Variants in NCKAP5 observed in about 807,000 individuals in gnomAD.
NCKAP5 encodes nck-associated protein 5.
NCKAP5 carries 92 observed loss-of-function variants against 167.0 expected under a neutral mutation model. The ratio of observed to expected loss-of-function variants is 0.55; its 90% confidence interval spans 0.47 to 0.66. NCKAP5 has a LOEUF of 0.66. Ranked by LOEUF, NCKAP5 falls within the 30% of genes least tolerant of loss-of-function variation. The probability of loss-of-function intolerance (pLI) is 0.00; values close to 1 mark genes in which losing one functional copy is unlikely to be tolerated. For missense variants in NCKAP5, 2,378 were observed against 2,315.0 expected, an observed-to-expected ratio of 1.03 and a Z score of -0.56; for synonymous variants, 891 against 877.4, an observed-to-expected ratio of 1.02 and a Z score of -0.27.
chr2:132,825,811 T>A (rs745656572), intron 11 of NCKAP5, among the ~76,000 whole-genome samples: 1 of 152,252 alleles, frequency 6.6e-6, no homozygotes, highest in Non-Finnish European at 1.5e-5. Context: ...TTACACAACA[T>A]ACTTATGTGC....
chr2:133,173,707 C>G (rs1033261251), intron 5 of NCKAP5, among the ~76,000 whole-genome samples: 8 of 152,314 alleles, frequency 5.3e-5, no homozygotes, highest in South Asian at 4.1e-4. Context: ...CATTGCAATA[C>G]TCGAGTAAAA....
intron 5 of NCKAP5, among the ~76,000 whole-genome samples, chr2:133,162,281 TTTAA>T (rs1315049290): frequency 6.6e-6 from 1 of 152,250 alleles, no homozygotes; most frequent in Non-Finnish European, 1.5e-5. Context: ...AAAGAAGTCA[TTTAA>T]TTACTGCATT....
At chr2:133,285,983 A>G (rs1679092762) in intron 4 of NCKAP5, among the ~76,000 whole-genome samples, 1 of 151,894 alleles carries the variant, frequency 6.6e-6, no homozygotes, top group Non-Finnish European at 1.5e-5. Context: ...AATTATTACT[A>G]ATTCTTCTGT....
intron 11 of NCKAP5, among the ~76,000 whole-genome samples, chr2:132,836,419 T>C (rs1239889352): frequency 6.6e-6 from 1 of 152,134 alleles, no homozygotes; most frequent in East Asian, 1.9e-4. Context: ...GTATTTTTTT[T>C]TTGTTTGTTA....
intron 16 of NCKAP5, among the ~76,000 whole-genome samples, chr2:132,773,414 ACCG>A (rs1218589499): frequency 6.6e-6 from 1 of 152,216 alleles, no homozygotes; most frequent in Non-Finnish European, 1.5e-5. Flanking sequence ...GTTTTGGCAA[ACCG>A]TATTTTCTTA....
At position 132,934,725 on chromosome 2, in the gene NCKAP5, G is replaced by A. The variant is rs187238341; in HGVS notation, c.579+28995C>T. ...TAGACATTTATGAAAGACCTATTTG[G>A]TGCCAGACAAGGGTGATCATCTCTA... On this transcript the variant is annotated intron_variant, in intron 8 of 19. Coordinates refer to ENST00000409261, the MANE Select transcript of NCKAP5 (RefSeq NM_207363.3). Among the ~76,000 whole-genome samples, 80 of 152,220 alleles carry A rather than the reference G, an allele frequency of 5.3e-4. 1 individual carries two copies. The East Asian group carries it at 9.6e-3, about 18-fold the overall frequency.
chr2:133,287,564 C>G (rs913313253), intron 4 of NCKAP5, among the ~76,000 whole-genome samples: 5 of 152,164 alleles, frequency 3.3e-5, no homozygotes, highest in Admixed American at 2.0e-4. Flanking sequence ...AGCTAAACAC[C>G]TGTTATGTTC....
At chr2:133,246,520 C>A (rs72985658) in intron 4 of NCKAP5, among the ~76,000 whole-genome samples, 2 of 152,256 alleles carry the variant, frequency 1.3e-5, no homozygotes, top group Admixed American at 6.5e-5. Flanking sequence ...CTGATGCTGC[C>A]GCCAATTGCT....
chr2:133,401,109 A>G (rs1688068307), intron 3 of NCKAP5, among the ~76,000 whole-genome samples: 2 of 152,192 alleles, frequency 1.3e-5, no homozygotes, highest in East Asian at 1.9e-4. Context: ...CTGATCATCA[A>G]TGAACAACGA....
At chr2:133,613,750 G>T in the NCKAP5 span, among the ~76,000 whole-genome samples, 8 of 152,292 alleles carry the variant, frequency 5.3e-5, no homozygotes, top group South Asian at 1.7e-3. Flanking sequence ...CCCTCTTCTA[G>T]GGGTGGTCCC....
intron 19 of NCKAP5, among the ~76,000 whole-genome samples, chr2:132,701,861 G>GGACA (rs561675008): frequency 2.3e-3 from 343 of 152,216 alleles, no homozygotes; most frequent in African/African-American, 7.6e-3. Flanking sequence ...TGAGGTGAGA[G>GGACA]GACAGCACTG....
intron 19 of NCKAP5, among the ~76,000 whole-genome samples, chr2:132,700,193 G>A (rs534724339): frequency 6.6e-6 from 1 of 152,204 alleles, no homozygotes; most frequent in Admixed American, 6.5e-5. Flanking sequence ...TTCTTGTAAA[G>A]TTGTTTAAGT....
chr2:133,425,647 TAA>T (rs1689746268), intron 3 of NCKAP5, among the ~76,000 whole-genome samples: 1 of 152,168 alleles, frequency 6.6e-6, no homozygotes, highest in Non-Finnish European at 1.5e-5. Flanking sequence ...GTATGAAGGT[TAA>T]AAAGTTTTCC....
At chr2:132,925,803 C>T (rs535932238) in intron 8 of NCKAP5, among the ~76,000 whole-genome samples, 1 of 152,174 alleles carries the variant, frequency 6.6e-6, no homozygotes, top group African/African-American at 2.4e-5. Flanking sequence ...GTAACTTTGC[C>T]AATGTGACAA....
chr2:132,946,362 T>C (rs538686155), intron 8 of NCKAP5, among the ~76,000 whole-genome samples: 1 of 152,180 alleles, frequency 6.6e-6, no homozygotes, highest in East Asian at 1.9e-4. Context: ...AGGGTGAAGA[T>C]CCAGATTCAA....
rs1276181296 is a variant in NCKAP5, at chr2:133,463,561, A to C, written c.69+53897T>G. 2.0e-5 allele frequency among the ~76,000 whole-genome samples: 3 copies of C among 152,312 alleles called. No homozygotes were observed. In the East Asian group the frequency reaches 5.8e-4, roughly 29 times the overall value. Reference sequence around the variant, plus strand: ...TCATTGAAGGCATGAGAACTACTTGAAATAAAAGTTACTAGAACCAAGTTT... The same window carrying C: ...TCATTGAAGGCATGAGAACTACTTGCAATAAAAGTTACTAGAACCAAGTTT... On this transcript the variant is annotated intron_variant, in intron 3 of 19. Coordinates refer to ENST00000409261, the MANE Select transcript of NCKAP5 (RefSeq NM_207363.3).
chr2:133,095,510 C>A (rs1418311353), intron 6 of NCKAP5, among the ~76,000 whole-genome samples: 8 of 152,194 alleles, frequency 5.3e-5, no homozygotes, highest in Admixed American at 4.6e-4. Flanking sequence ...ATTGAAGAAG[C>A]ATGAATAAAA....
chr2:133,641,188 G>A, the NCKAP5 span, among the ~76,000 whole-genome samples: 1 of 152,186 alleles, frequency 6.6e-6, no homozygotes, highest in Non-Finnish European at 1.5e-5. Context: ...AGCAGCAAAG[G>A]TTAGCAATAA....
At chr2:133,664,947 C>T in the NCKAP5 span, among the ~76,000 whole-genome samples, 6 of 152,206 alleles carry the variant, frequency 3.9e-5, no homozygotes, top group Admixed American at 6.5e-5. Context: ...ATGAACCAAC[C>T]TCTGCTAGCT....
Sources: allele counts gnomAD v4.1 joint callset (sites outside exome capture counted in the v4.1 genomes callset), GRCh38; gene constraint gnomAD v4.1.1; transcripts MANE v1.5; gene names NCBI Gene and HGNC (gene_info 2026-07-23, HGNC 2026-07-21).